The following MPP7 variants were observed in gnomAD, a reference collection of about 807,000 sequenced individuals.
MPP7 encodes MAGUK p55 scaffold protein 7.
In MPP7, 60 loss-of-function variants were observed where a neutral mutation model predicts 76.5. The observed-to-expected ratio is 0.78, with a 90% CI of 0.64 to 0.97. The LOEUF (loss-of-function observed/expected upper bound fraction) is 0.97, where lower values mean the gene tolerates loss of function less well. Ranked by LOEUF, MPP7 falls within the 50% of genes least tolerant of loss-of-function variation. The probability of loss-of-function intolerance (pLI) is 0.00; values close to 1 mark genes in which losing one functional copy is unlikely to be tolerated. For synonymous variants in MPP7, 237 were observed against 244.5 expected (o/e 0.97, Z 0.29); for missense variants, 641 against 694.0 (o/e 0.92, Z 0.86).
At chr10:28,140,145 C>G (rs1835467462) in intron 5 of MPP7, among the ~76,000 whole-genome samples, 1 of 152,158 alleles carries the variant, frequency 6.6e-6, no homozygotes, top group South Asian at 2.1e-4. Context: ...AAGCCGCATA[C>G]TCTTAAATGT....
rs529313846 is a variant in MPP7 at position 28,096,694 on chromosome 10, A to G, written c.953-6853T>C. On this transcript the variant is annotated intron_variant, in intron 11 of 16. Transcript: ENST00000683449. ...CTATAACTTTTCCATCTTAGTTCTGATAAATATTCACCAATATTTTCTGAA... is the reference window on the plus strand; with the variant it reads ...CTATAACTTTTCCATCTTAGTTCTGGTAAATATTCACCAATATTTTCTGAA... Among the ~76,000 whole-genome samples, 647 of 152,262 alleles carry G rather than the reference A, an allele frequency of 4.2e-3. 7 individuals are homozygous for G. Among genetic ancestry groups the G allele is most frequent in the African/African-American group, 0.015 (617 of 41,548 alleles).
At position 28,053,756 on chromosome 10, in the gene MPP7, C is replaced by G; in HGVS notation, c.*309G>C. On this transcript the variant is annotated 3_prime_UTR_variant, in exon 17 of 17. Coordinates refer to ENST00000683449, the MANE Select transcript of MPP7 (RefSeq NM_001318170.2). ...CAGAAGCGCTGAACTCCCATACATA[C>G]TAAGCCTCTAGCTAAGTCTCTCTGA... 1 of 313,104 alleles carries G rather than the reference C, an allele frequency of 3.2e-6. No individual in the cohort carries two copies. Among genetic ancestry groups the G allele is most frequent in the Non-Finnish European group, 5.9e-6 (1 of 170,794 alleles). 19.4% of individuals were successfully genotyped at this position (313,104 alleles called of 1,614,324 possible). A position where few individuals can be genotyped will look rare whatever the true frequency, so the allele number is the denominator to read the frequency against.
At chr10:28,079,273 C>T (rs1344279658) in intron 12 of MPP7, among the ~76,000 whole-genome samples, 1 of 152,002 alleles carries the variant, frequency 6.6e-6, no homozygotes, top group African/African-American at 2.4e-5. Flanking sequence ...ACAGTTGATG[C>T]ATACAAGTTT....
intron 13 of MPP7, among the ~76,000 whole-genome samples, chr10:28,063,671 C>A (rs77962749): frequency 0.012 from 1,812 of 152,104 alleles, 55 homozygotes; most frequent in East Asian, 0.11. Context: ...GAATTGTGGA[C>A]TGCACGTGTG....
upstream of MPP7, among the ~76,000 whole-genome samples, chr10:28,305,016 A>G (rs1251469871): frequency 5.3e-5 from 8 of 152,216 alleles, no homozygotes; most frequent in Non-Finnish European, 1.0e-4. Flanking sequence ...CAAAGAAGAA[A>G]ACAGTGACCA....
chr10:28,163,937 AT>A (rs1398894014), intron 3 of MPP7, among the ~76,000 whole-genome samples: 3 of 147,488 alleles, frequency 2.0e-5, no homozygotes, highest in African/African-American at 7.5e-5. Context: ...AAGAATGAGT[AT>A]TATATTTCTA....
intron 1 of MPP7, among the ~76,000 whole-genome samples, chr10:28,258,446 C>G (rs1010308476): frequency 6.7e-6 from 1 of 148,696 alleles, no homozygotes; most frequent in Non-Finnish European, 1.5e-5. Flanking sequence ...GTCACCCAGG[C>G]TAGAGTGCAG....
At chr10:28,241,272 C>G (rs1327687644) in intron 1 of MPP7, among the ~76,000 whole-genome samples, 1 of 152,048 alleles carries the variant, frequency 6.6e-6, no homozygotes, top group Non-Finnish European at 1.5e-5. Flanking sequence ...ACAAAAAGCC[C>G]TCATATTTCT....
At chr10:28,076,919 C>T (rs1852515004) in intron 12 of MPP7, among the ~76,000 whole-genome samples, 1 of 151,524 alleles carries the variant, frequency 6.6e-6, no homozygotes. Flanking sequence ...TAGAGTGTCC[C>T]AGCCTGCCTT....
At chr10:28,191,523 T>G (rs1030489437) in intron 3 of MPP7, among the ~76,000 whole-genome samples, 1 of 152,180 alleles carries the variant, frequency 6.6e-6, no homozygotes, top group African/African-American at 2.4e-5. Context: ...ACTTTTTGAG[T>G]GCTGACAAGG....
intron 2 of MPP7, among the ~76,000 whole-genome samples, chr10:28,328,341 T>C (rs2133190642): frequency 6.6e-6 from 1 of 152,270 alleles, no homozygotes; most frequent in East Asian, 1.9e-4. Flanking sequence ...ATTCCCTCCT[T>C]TTCAGTAGGG....
chr10:28,239,619 T>C (rs1839200462), intron 1 of MPP7, among the ~76,000 whole-genome samples: 1 of 152,218 alleles, frequency 6.6e-6, no homozygotes, highest in African/African-American at 2.4e-5. Context: ...CTAGCATACA[T>C]AAGTAAATTC....
rs138360822 is a variant in MPP7 at position 28,165,762 on chromosome 10, C to T, written c.157-15703G>A. Among the ~76,000 whole-genome samples, 5 of 151,994 alleles carry T rather than the reference C, an allele frequency of 3.3e-5. No individual in the cohort carries two copies. In the East Asian group the frequency reaches 7.7e-4, roughly 23 times the overall value. Reference sequence around the variant, plus strand: ...TGTCCTGGCCAGGCGTGGTGGCTCACGCCTGAAATCCCAGCACTTTGGGAG... The same window carrying T: ...TGTCCTGGCCAGGCGTGGTGGCTCATGCCTGAAATCCCAGCACTTTGGGAG... On this transcript the variant is annotated intron_variant, in intron 3 of 16. Transcript: ENST00000683449.
At chr10:28,216,547 G>A (rs1050695558) in intron 2 of MPP7, among the ~76,000 whole-genome samples, 3 of 152,218 alleles carry the variant, frequency 2.0e-5, no homozygotes, top group Admixed American at 2.0e-4. Flanking sequence ...TAGTTGCAGA[G>A]TCATTTTAGA....
intron 2 of MPP7, among the ~76,000 whole-genome samples, chr10:28,323,210 T>G (rs561865141): frequency 6.6e-6 from 1 of 151,888 alleles, no homozygotes; most frequent in Admixed American, 6.6e-5. Flanking sequence ...GCATGAACCT[T>G]GGAGGCGGAG....
At chr10:28,262,950 G>A (rs1453226446) in intron 1 of MPP7, among the ~76,000 whole-genome samples, 2 of 152,162 alleles carry the variant, frequency 1.3e-5, no homozygotes, top group Admixed American at 1.3e-4. Flanking sequence ...CAGCTACTCA[G>A]GAGGCTGAAG....
At chr10:28,115,710 C>T (rs1032110778) in intron 11 of MPP7, among the ~76,000 whole-genome samples, 4 of 152,176 alleles carry the variant, frequency 2.6e-5, no homozygotes, top group Non-Finnish European at 4.4e-5. Context: ...TTATTTTACT[C>T]AATGCTTAAA....
At chr10:28,121,822 A>G (rs1834852115) in intron 8 of MPP7, among the ~76,000 whole-genome samples, 1 of 151,972 alleles carries the variant, frequency 6.6e-6, no homozygotes, top group Non-Finnish European at 1.5e-5. Context: ...TAAAAAAAAA[A>G]AAAGGCTCTG....
At chr10:28,058,625 G>T in intron 14 of MPP7, 22 bp from the exon 15 acceptor site, 1 of 1,276,638 alleles carries the variant, frequency 7.8e-7, no homozygotes, top group South Asian at 1.4e-5. Flanking sequence ...TAAATGCATT[G>T]GAATCATTTG....
Sources: allele counts gnomAD v4.1 joint callset (sites outside exome capture counted in the v4.1 genomes callset), GRCh38; gene constraint gnomAD v4.1.1; transcripts MANE v1.5; gene names NCBI Gene and HGNC (gene_info 2026-07-23, HGNC 2026-07-21).